CDC27: variants seen among roughly 807,000 people sequenced by gnomAD.
CDC27 encodes the protein cell division cycle protein 27 homolog.
CDC27 carries 27 observed loss-of-function variants against 109.7 expected under a neutral mutation model. That is an observed-to-expected ratio of 0.25 (90% CI 0.18 to 0.34). The LOEUF (loss-of-function observed/expected upper bound fraction) is 0.34. Among genes scored for constraint, CDC27 ranks in the 10% least tolerant of loss-of-function variants. The probability of loss-of-function intolerance (pLI) is 1.00; values close to 1 mark genes in which losing one functional copy is unlikely to be tolerated. For synonymous variants in CDC27, 266 were observed against 333.9 expected (o/e 0.80, Z 2.22); for missense variants, 579 against 960.2 (o/e 0.60, Z 5.25).
At chr17:47,147,432 A>AAACAAAC in intron 9 of CDC27, among the ~76,000 whole-genome samples, 1 of 82,010 alleles carries the variant, frequency 1.2e-5, no homozygotes, top group Non-Finnish European at 3.4e-5. Context: ...AACAAACAAA[A>AAACAAAC]AAAAAAACAC....
At position 47,133,060 on chromosome 17, in the gene CDC27, T is replaced by C. The variant is rs200969858; in HGVS notation, c.1914-686A>G. Among the ~76,000 whole-genome samples, 65 of 46,756 alleles carry C rather than the reference T, an allele frequency of 1.4e-3. 1 individual carries two copies. The highest frequency in any genetic ancestry group is 0.013 in the East Asian group (7 of 556). The allele number at this position is 46,756 out of a possible 152,430, so 30.7% of individuals were successfully genotyped here. A position where few individuals can be genotyped will look rare whatever the true frequency, so the allele number is the denominator to read the frequency against. The stretch of plus-strand genomic sequence containing the variant: ...ACACACACACACACACACACATACA[T>C]ATACACACACACACACACACACACA... On this transcript the variant is annotated intron_variant, in intron 14 of 18. Transcript: ENST00000066544.
At chr17:47,179,621 A>G (rs1015562023) in intron 2 of CDC27, among the ~76,000 whole-genome samples, 1 of 152,248 alleles carries the variant, frequency 6.6e-6, no homozygotes, top group Non-Finnish European at 1.5e-5. Context: ...AATAAGTGAT[A>G]GAATTATTGT....
intron 4 of CDC27, among the ~76,000 whole-genome samples, chr17:47,168,530 T>G (rs1183702476): frequency 1.3e-5 from 2 of 152,188 alleles, no homozygotes; most frequent in Non-Finnish European, 2.9e-5. Context: ...TCAAGCCAAG[T>G]ATGACTGTGA....
At chr17:47,166,901 T>A (rs890224613) in intron 4 of CDC27, among the ~76,000 whole-genome samples, 1 of 152,150 alleles carries the variant, frequency 6.6e-6, no homozygotes, top group African/African-American at 2.4e-5. Context: ...GTCACCCAGG[T>A]TGGAGTGCAA....
At chr17:47,176,098 T>A (rs1223661254) in intron 2 of CDC27, among the ~76,000 whole-genome samples, 2 of 152,202 alleles carry the variant, frequency 1.3e-5, no homozygotes, top group Non-Finnish European at 2.9e-5. Context: ...TGACACATAG[T>A]GAAGGCTGTA....
At chr17:47,142,157 G>T in intron 11 of CDC27, 72 bp downstream of exon 11, 1 of 1,140,902 alleles carries the variant, frequency 8.8e-7, no homozygotes, top group South Asian at 1.6e-5. Flanking sequence ...GTACTGTAAT[G>T]AACATAAAGA....
intron 4 of CDC27, among the ~76,000 whole-genome samples, chr17:47,168,936 T>A (rs79431868): frequency 6.6e-6 from 1 of 151,724 alleles, no homozygotes; most frequent in East Asian, 1.9e-4. Context: ...ACAGATAACA[T>A]TTACACATGT....
intron 4 of CDC27, among the ~76,000 whole-genome samples, chr17:47,165,821 T>C (rs1475245164): frequency 6.6e-6 from 1 of 152,212 alleles, no homozygotes; most frequent in Non-Finnish European, 1.5e-5. Context: ...GTTAAATTTT[T>C]AATAAGGTAT....
chr17:47,189,194 T>C lies in CDC27; in HGVS notation c.-22A>G, dbSNP rs1030718405. The C allele has an allele frequency of 1.2e-6, 2 of 1,603,616 alleles. No homozygotes were observed. The highest frequency in any genetic ancestry group is 1.7e-5 in the Admixed American group (1 of 59,996). ...TCATCCTCGAGGCTCAGGCCCACTT[T>C]CTGCAGTGCCTCAGGCCCCCCCTGT... On this transcript the variant is annotated 5_prime_UTR_variant, in exon 1 of 19. Transcript: ENST00000066544.
chr17:47,155,067 A>T (rs2063261832), intron 7 of CDC27, among the ~76,000 whole-genome samples: 1 of 152,200 alleles, frequency 6.6e-6, no homozygotes. Context: ...TAAATCTAAG[A>T]TCCAAATGAT....
intron 8 of CDC27, 100 bp from the exon 9 acceptor site, chr17:47,152,018 A>G (rs890516738): frequency 4.8e-5 from 51 of 1,056,092 alleles, no homozygotes; most frequent in Non-Finnish European, 6.6e-5. Flanking sequence ...CAATACAAGC[A>G]GCCATAATAT....
At chr17:47,172,100 A>G in intron 2 of CDC27, 36 bp from the exon 3 acceptor site, 1 of 1,405,838 alleles carries the variant, frequency 7.1e-7, no homozygotes, top group South Asian at 1.5e-5. Flanking sequence ...GCTATTGTTC[A>G]GTATATTGAA....
At chr17:47,156,001 C>T (rs1006755239) in intron 7 of CDC27, among the ~76,000 whole-genome samples, 1 of 152,112 alleles carries the variant, frequency 6.6e-6, no homozygotes, top group Non-Finnish European at 1.5e-5. Context: ...TGGAAAAAGG[C>T]ACTTTAACAG....
intron 16 of CDC27, among the ~76,000 whole-genome samples, chr17:47,128,120 T>C (rs548018199): frequency 1.3e-5 from 2 of 152,282 alleles, no homozygotes; most frequent in South Asian, 4.2e-4. Context: ...AACCTCTGCC[T>C]CCTGGGTTCA....
At chr17:47,181,463 A>T (rs2096974114) in intron 2 of CDC27, 99 bp downstream of exon 2, 1 of 629,244 alleles carries the variant, frequency 1.6e-6, no homozygotes. Flanking sequence ...AAAAACAACA[A>T]GATGATGATA....
At position 47,169,997 on chromosome 17, in the gene CDC27, C is replaced by T; in HGVS notation, c.297G>A (p.Lys99=). ...EQILSGGVFN[K]QKSHDDIVTE... ...TAACAATATCATCATGGCTTTTCTG[C>T]TTATTAAACACTCCACCAGATAAGA... The change falls in exon 4 of 19, where the codon AAG becomes AAA. Residue 99 remains lysine (K), a synonymous_variant. Transcript: ENST00000066544. 1 of 1,590,200 alleles carries T rather than the reference C, an allele frequency of 6.3e-7. No individual in the cohort carries two copies. Among genetic ancestry groups the T allele is most frequent in the Non-Finnish European group, 8.6e-7 (1 of 1,168,786 alleles).
chr17:47,188,844 C>G, intron 1 of CDC27: 1 of 1,283,216 alleles, frequency 7.8e-7, no homozygotes. Context: ...CATCTCCCAC[C>G]CCCAGTCAAG....
chr17:47,183,714 C>G (rs2064326513), intron 1 of CDC27, among the ~76,000 whole-genome samples: 1 of 152,148 alleles, frequency 6.6e-6, no homozygotes, highest in South Asian at 2.1e-4. Flanking sequence ...TACTATATTA[C>G]AAACTCCACA....
intron 18 of CDC27, among the ~76,000 whole-genome samples, chr17:47,121,712 C>T (rs907373579): frequency 4.0e-5 from 6 of 151,652 alleles, no homozygotes; most frequent in South Asian, 2.1e-4. Context: ...CGATTACATA[C>T]GCAAGCCATC....
Sources: allele counts gnomAD v4.1 joint callset (sites outside exome capture counted in the v4.1 genomes callset), GRCh38; gene constraint gnomAD v4.1.1; transcripts MANE v1.5; gene names NCBI Gene and HGNC (gene_info 2026-07-23, HGNC 2026-07-21).